CAMTA1: variants seen among roughly 807,000 people sequenced by gnomAD.
CAMTA1 encodes the protein calmodulin-binding transcription activator 1.
CAMTA1 carries 27 observed loss-of-function variants against 170.9 expected under a neutral mutation model. The observed-to-expected ratio is 0.16, with a 90% CI of 0.12 to 0.22. The LOEUF is 0.22. CAMTA1 is among the 10% of genes least tolerant of loss of function. CAMTA1 has a pLI of 1.00. For synonymous variants in CAMTA1, 833 were observed against 891.5 expected (o/e 0.93, Z 1.17); for missense variants, 1,619 against 2,217.2 (o/e 0.73, Z 5.42).
intron 4 of CAMTA1, among the ~76,000 whole-genome samples, chr1:7,221,033 G>A (rs1368467164): frequency 6.6e-6 from 1 of 152,172 alleles, no homozygotes; most frequent in Non-Finnish European, 1.5e-5. Context: ...CACCAGGTGG[G>A]AGAGCCAGGG....
At chr1:6,977,619 C>T (rs1463302011) in intron 3 of CAMTA1, among the ~76,000 whole-genome samples, 3 of 152,242 alleles carry the variant, frequency 2.0e-5, no homozygotes, top group South Asian at 2.1e-4. Flanking sequence ...GGATTACAGG[C>T]GTGAGCCACT....
intron 11 of CAMTA1, among the ~76,000 whole-genome samples, chr1:7,712,143 TATATA>T (rs2096575429): frequency 6.6e-6 from 1 of 152,122 alleles, no homozygotes; most frequent in African/African-American, 2.4e-5. Flanking sequence ...AATAAGGAAA[TATATA>T]AAATAACTTT....
At chr1:7,151,842 T>C (rs565734942) in intron 4 of CAMTA1, among the ~76,000 whole-genome samples, 4 of 152,290 alleles carry the variant, frequency 2.6e-5, no homozygotes, top group Admixed American at 1.3e-4. Flanking sequence ...TTTCCTTATG[T>C]TTTTCTCTTC....
In CAMTA1 at chr1:6,890,609, C is replaced by G. The variant is rs575216658; in HGVS notation, c.234+65399C>G. On this transcript the variant is annotated intron_variant, in intron 3 of 22. Coordinates refer to ENST00000303635, the MANE Select transcript of CAMTA1 (RefSeq NM_015215.4). The stretch of plus-strand genomic sequence containing the variant: ...TGAGGTGAAGTCTCACTCTATTGCC[C>G]AGGCTGGAGGGAGTGCAGTGGTATG... Among the ~76,000 whole-genome samples, 3 of 152,042 alleles carry G rather than the reference C, an allele frequency of 2.0e-5. No individual in the cohort carries two copies. The South Asian group carries it at 6.2e-4, about 32-fold the overall frequency.
intron 5 of CAMTA1, among the ~76,000 whole-genome samples, chr1:7,461,535 C>T (rs2093088196): frequency 6.6e-6 from 1 of 152,218 alleles, no homozygotes; most frequent in Non-Finnish European, 1.5e-5. Context: ...CGAACAGCCG[C>T]AGTGACTAGT....
rs55683398 is a variant in CAMTA1 at position 7,320,649 on chromosome 1, G to GTT, written c.438+71047_438+71048dup. ...TATCCCCCTGGGCTGTGCTGTGTGT[G>GTT]TTTTTTTTTTTTTTTTTTTTTTTTT... is the stretch of plus-strand genomic sequence containing the variant. On this transcript the variant is annotated intron_variant, in intron 5 of 22. Coordinates refer to ENST00000303635, the MANE Select transcript of CAMTA1 (RefSeq NM_015215.4). 7.5e-3 allele frequency among the ~76,000 whole-genome samples: 598 copies of GTT among 80,106 alleles called. 5 individuals are homozygous for GTT. The highest frequency in any genetic ancestry group is 0.035 in the East Asian group (97 of 2,746). The allele number at this position is 80,106 out of a possible 152,430, so 52.6% of individuals were successfully genotyped here. A position where few individuals can be genotyped will look rare whatever the true frequency, so the allele number is the denominator to read the frequency against.
Position 7,685,309 on chromosome 1 carries a change from T to A in CAMTA1, c.2914+7576T>A, listed in dbSNP as rs921488592. On this transcript the variant is annotated intron_variant, in intron 11 of 22. Transcript: ENST00000303635. The surrounding 1 kb of genome is among the most constrained non-coding windows in gnomAD (Gnocchi z 5.7). ...TCAGTTCCTGGCTTGGAGGAGCCAC[T>A]CACAGGATGCCCTCCTGTTGGAATG... is the stretch of plus-strand genomic sequence containing the variant. Among the ~76,000 whole-genome samples, 3 of 152,198 alleles carry A rather than the reference T, an allele frequency of 2.0e-5. No homozygotes were observed. Among genetic ancestry groups the A allele is most frequent in the African/African-American group, 7.2e-5 (3 of 41,438 alleles).
At chr1:7,454,529 C>T (rs1193245) in intron 5 of CAMTA1, among the ~76,000 whole-genome samples, 51,055 of 152,082 alleles carry the variant, frequency 0.34, 9,228 homozygotes, top group East Asian at 0.7. Flanking sequence ...GATGTGCAGG[C>T]GAGTTTCAAA....
In CAMTA1 at chr1:7,426,702, G is replaced by A. The variant is rs1312710498; in HGVS notation, c.439-41128G>A. Among the ~76,000 whole-genome samples, 4 of 152,196 alleles carry A rather than the reference G, an allele frequency of 2.6e-5. No homozygotes were observed. The highest frequency in any genetic ancestry group is 7.2e-5 in the African/African-American group (3 of 41,530). ...AAAGGTGGAGAAAACTTCGCTCACC[G>A]CATTTGGGCAGGAGAAATCTGAGAT... On this transcript the variant is annotated intron_variant, in intron 5 of 22. Transcript: ENST00000303635. This position sits in a 1 kb window ranked among gnomAD's most constrained non-coding sequence, Gnocchi z 4.8.
intron 4 of CAMTA1, among the ~76,000 whole-genome samples, chr1:7,158,900 A>G (rs1376650243): frequency 1.3e-5 from 2 of 151,310 alleles, no homozygotes; most frequent in Non-Finnish European, 2.9e-5. Context: ...TAGGCTTGCT[A>G]AGAGTGGGGC....
intron 12 of CAMTA1, among the ~76,000 whole-genome samples, chr1:7,733,748 G>C (rs1195083157): frequency 6.6e-6 from 1 of 151,928 alleles, no homozygotes; most frequent in Non-Finnish European, 1.5e-5. Flanking sequence ...AAGTTTTTAG[G>C]TGAATATTTT....
Position 7,736,448 on chromosome 1 carries a change from G to C in CAMTA1, c.3171G>C (p.Leu1057Phe). 2.5e-6 allele frequency: 4 copies of C among 1,614,102 alleles called. No homozygotes were observed. The highest frequency in any genetic ancestry group is 3.4e-6 in the Non-Finnish European group (4 of 1,180,022). The change falls in exon 13 of 23, where the codon TTG becomes TTC. Residue 1057 changes from leucine (L) to phenylalanine (F), a missense_variant. Physicochemically the swap from Leu to Phe is conservative, Grantham distance 22. Transcript: ENST00000303635. The surrounding 1 kb of genome is among the most constrained non-coding windows in gnomAD (Gnocchi z 4.5). ...SRACWAKSKH[L>F]IHSKTFRGMT... is the part of the protein sequence containing the mutation. ...CCTGCTGGGCGAAGTCCAAGCACTT[G>C]ATCCACTCAAAGACTTTCCGCGGAA... is the stretch of plus-strand genomic sequence containing the variant.
Position 6,825,223 on chromosome 1 carries a change from CT to C in CAMTA1, c.234+20del. Reference sequence around the variant, plus strand: ...GAACACTAATGAGGTAGATAAGTTTCTTTTTTTAAGGGTATAATTATTTTAA... The same window carrying C: ...GAACACTAATGAGGTAGATAAGTTTCTTTTTTAAGGGTATAATTATTTTAA... On this transcript the variant is annotated intron_variant, in intron 3 of 22. Coordinates refer to ENST00000303635, the MANE Select transcript of CAMTA1 (RefSeq NM_015215.4). 9 of 1,486,890 alleles carry C rather than the reference CT, an allele frequency of 6.1e-6. No individual in the cohort carries two copies. Among genetic ancestry groups the C allele is most frequent in the South Asian group, 1.2e-5 (1 of 81,492 alleles). 92.1% of individuals were successfully genotyped at this position (1,486,890 alleles called of 1,614,324 possible).
intron 9 of CAMTA1, among the ~76,000 whole-genome samples, chr1:7,670,224 G>C (rs897845859): frequency 6.6e-6 from 1 of 152,170 alleles, no homozygotes; most frequent in African/African-American, 2.4e-5. Context: ...AGGGTTGGGG[G>C]AGGGGGCAGA....
intron 3 of CAMTA1, among the ~76,000 whole-genome samples, chr1:6,864,025 GT>G (rs542802340): frequency 2.0e-4 from 30 of 152,240 alleles, no homozygotes; most frequent in Non-Finnish European, 3.8e-4. Context: ...TGGATAATGG[GT>G]TTTGGGGAAG....
chr1:7,559,685 G>A (rs2094931192), intron 6 of CAMTA1, among the ~76,000 whole-genome samples: 1 of 152,032 alleles, frequency 6.6e-6, no homozygotes, highest in African/African-American at 2.4e-5. Context: ...GGGTGGGCCG[G>A]AGGACACACG....
intron 4 of CAMTA1, among the ~76,000 whole-genome samples, chr1:7,130,060 CCAAG>C (rs1346246970): frequency 6.6e-6 from 1 of 152,074 alleles, no homozygotes; most frequent in African/African-American, 2.4e-5. Flanking sequence ...CCTCAGCCCC[CCAAG>C]TAGCTGGGAC....
intron 3 of CAMTA1, chr1:6,871,960 T>G: frequency 7.9e-7 from 1 of 1,268,382 alleles, no homozygotes; most frequent in Non-Finnish European, 1.0e-6. Flanking sequence ...CTTTGAGTGA[T>G]AAATTTGCAA....
intron 6 of CAMTA1, among the ~76,000 whole-genome samples, chr1:7,559,785 G>A (rs1408164973): frequency 6.6e-6 from 1 of 152,036 alleles, no homozygotes; most frequent in African/African-American, 2.4e-5. Flanking sequence ...GCACCCCGAT[G>A]TCCTCTGAGC....
Sources: allele counts gnomAD v4.1 joint callset (sites outside exome capture counted in the v4.1 genomes callset), GRCh38; gene constraint gnomAD v4.1.1; non-coding constraint Gnocchi (gnomAD v3.1); transcripts MANE v1.5; gene names NCBI Gene and HGNC (gene_info 2026-07-23, HGNC 2026-07-21).